TET1: variants seen among roughly 807,000 people sequenced by gnomAD.
TET1 encodes the protein methylcytosine dioxygenase TET1.
In TET1, 13 loss-of-function variants were observed where a neutral mutation model predicts 148.7. The ratio of observed to expected loss-of-function variants is 0.09; its 90% CI spans 0.06 to 0.14. TET1 has a LOEUF of 0.14. Among genes scored for constraint, TET1 ranks in the 10% least tolerant of loss-of-function variants. The pLI, the probability that TET1 is intolerant of heterozygous loss-of-function variation, is 1.00. For synonymous variants in TET1, 907 were observed against 937.2 expected (o/e 0.97, Z 0.59); for missense variants, 2,182 against 2,553.8 (o/e 0.85, Z 3.14).
intron 3 of TET1, among the ~76,000 whole-genome samples, chr10:68,620,229 AC>A (rs2054351158): frequency 6.6e-6 from 1 of 152,212 alleles, no homozygotes; most frequent in African/African-American, 2.4e-5. Context: ...GGCTTTTAGT[AC>A]ATTCACCAAT....
chr10:68,613,136 C>G (rs1459483702), intron 3 of TET1, among the ~76,000 whole-genome samples: 1 of 152,172 alleles, frequency 6.6e-6, no homozygotes, highest in Non-Finnish European at 1.5e-5. Context: ...ACTACTTCCT[C>G]AAATCATTGA....
chr10:68,668,146 A>G lies in TET1; in HGVS notation c.4673+890A>G, dbSNP rs7081750. Among the ~76,000 whole-genome samples, 706 of 152,066 alleles carry G rather than the reference A, an allele frequency of 4.6e-3. 3 individuals carry two copies. Among genetic ancestry groups the G allele is most frequent in the African/African-American group, 0.016 (662 of 41,520 alleles). ...TTGCAGAGAATTCCTCCATTTATCT[A>G]TTTTCTCTCTGATGGTGCTATTAAC... On this transcript the variant is annotated intron_variant, in intron 7 of 11. Coordinates refer to ENST00000373644, the MANE Select transcript of TET1 (RefSeq NM_030625.3).
intron 6 of TET1, among the ~76,000 whole-genome samples, chr10:68,662,569 C>A (rs1447416108): frequency 2.6e-5 from 4 of 151,282 alleles, no homozygotes; most frequent in Non-Finnish European, 4.4e-5. Flanking sequence ...TATAATAGAC[C>A]ACATATATAT....
intron 3 of TET1, among the ~76,000 whole-genome samples, chr10:68,623,917 C>T (rs2132982359): frequency 6.6e-6 from 1 of 152,288 alleles, no homozygotes; most frequent in East Asian, 1.9e-4. Flanking sequence ...TCTGCTGCCA[C>T]CCCAAATCCT....
At chr10:68,655,681 A>G (rs2055011132) in intron 6 of TET1, among the ~76,000 whole-genome samples, 1 of 152,214 alleles carries the variant, frequency 6.6e-6, no homozygotes, top group Admixed American at 6.5e-5. Context: ...GTTTTCCTTA[A>G]GAAGGCAAAT....
chr10:68,658,578 C>T (rs902435137), intron 6 of TET1, among the ~76,000 whole-genome samples: 6 of 152,144 alleles, frequency 3.9e-5, no homozygotes, highest in African/African-American at 1.4e-4. Flanking sequence ...TTCGCAACAC[C>T]GTTTTATTCT....
chr10:68,647,269 C>T (rs1347388384), intron 4 of TET1, among the ~76,000 whole-genome samples: 1 of 152,114 alleles, frequency 6.6e-6, no homozygotes, highest in African/African-American at 2.4e-5. Flanking sequence ...ATATATCTCT[C>T]AATGTTGAAT....
intron 3 of TET1, among the ~76,000 whole-genome samples, chr10:68,633,333 G>C (rs1298387480): frequency 6.7e-6 from 1 of 150,140 alleles, no homozygotes; most frequent in Non-Finnish European, 1.5e-5. Context: ...CTTTTAATTT[G>C]TTTTTTTAAA....
intron 2 of TET1, among the ~76,000 whole-genome samples, chr10:68,588,867 A>T (rs1589055667): frequency 6.6e-6 from 1 of 150,954 alleles, no homozygotes. Flanking sequence ...CACAGCTGTA[A>T]TCCCAGCACT....
intron 1 of TET1, among the ~76,000 whole-genome samples, chr10:68,570,163 G>C (rs958270429): frequency 4.0e-5 from 6 of 151,500 alleles, no homozygotes; most frequent in Non-Finnish European, 8.8e-5. Context: ...GGAGTGCCAT[G>C]GTGCAATCTC....
chr10:68,645,384 A>G lies in TET1; in HGVS notation c.2655A>G (p.Arg885=). 6.2e-7 allele frequency: 1 copy of G among 1,614,158 alleles called. No homozygotes were observed. The highest frequency in any genetic ancestry group is 8.5e-7 in the Non-Finnish European group (1 of 1,180,048). The part of the protein sequence containing the change: ...PSLLSLMKDR[R]LTLEQVVAIE... The stretch of plus-strand genomic sequence containing the variant: ...TCTTATCGTTAATGAAAGATAGGAG[A>G]TTAACATTGGAGCAAGTGGTAGCCA... Residue 885 remains arginine (R), a synonymous_variant, in exon 4 of 12, where the codon AGA becomes AGG. Transcript: ENST00000373644.
At chr10:68,594,571 C>T (rs977777447) in intron 2 of TET1, among the ~76,000 whole-genome samples, 1 of 152,116 alleles carries the variant, frequency 6.6e-6, no homozygotes, top group Non-Finnish European at 1.5e-5. Flanking sequence ...TTCTAGTGGA[C>T]CAACCGCTTA....
chr10:68,589,594 T>C (rs1267428915), intron 2 of TET1, among the ~76,000 whole-genome samples: 1 of 150,820 alleles, frequency 6.6e-6, no homozygotes, highest in Non-Finnish European at 1.5e-5. Context: ...GTGAGCCACC[T>C]AGCCCAGCCT....
At chr10:68,667,341 T>C in intron 7 of TET1, 85 bp downstream of exon 7, 4 of 1,102,262 alleles carry the variant, frequency 3.6e-6, no homozygotes, top group South Asian at 1.6e-5. Flanking sequence ...CAACTATGTA[T>C]ATTATATGGG....
In TET1 at chr10:68,686,374, G is replaced by A. The variant is rs1338741516; in HGVS notation, c.5071G>A (p.Glu1691Lys). ...GSTVVCTLTR[E>K]DNRSLGVIPQ... Reference sequence around the variant, plus strand: ...CTATCAGGTTTGTACCTTAACTCGAGAAGATAACCGCTCTTTGGGTGTTAT... The same window carrying A: ...CTATCAGGTTTGTACCTTAACTCGAAAAGATAACCGCTCTTTGGGTGTTAT... The change falls in exon 11 of 12, where the codon GAA (glutamate) becomes AAA (lysine). Residue 1691 changes from glutamate to lysine, a missense_variant. By Grantham distance (56) the Glu-to-Lys change is moderately conservative. Coordinates refer to ENST00000373644, the MANE Select transcript of TET1 (RefSeq NM_030625.3). The A allele has an allele frequency of 3.7e-6, 6 of 1,606,456 alleles. No homozygotes were observed. Among genetic ancestry groups the A allele is most frequent in the Non-Finnish European group, 5.1e-6 (6 of 1,175,550 alleles).
At chr10:68,683,391 G>T (rs1462458116) in intron 10 of TET1, among the ~76,000 whole-genome samples, 2 of 152,172 alleles carry the variant, frequency 1.3e-5, no homozygotes, top group Non-Finnish European at 2.9e-5. Context: ...CCATTCTCCT[G>T]CCTTAGCCTC....
intron 3 of TET1, among the ~76,000 whole-genome samples, chr10:68,631,041 A>G (rs1403782085): frequency 4.6e-5 from 7 of 151,794 alleles, no homozygotes; most frequent in Non-Finnish European, 1.0e-4. Context: ...GCCAGGCATG[A>G]TGGTGTGTGC....
At position 68,693,822 on chromosome 10, in the gene TET1, G is replaced by A. The variant is rs956760434; in HGVS notation, c.*2008G>A. 1.3e-5 allele frequency: 3 copies of A among 230,832 alleles called. No individual in the cohort carries two copies. The highest frequency in any genetic ancestry group is 2.6e-5 in the Non-Finnish European group (3 of 116,686). 14.3% of individuals were successfully genotyped at this position (230,832 alleles called of 1,614,324 possible). ...ATTATGTTTTAGATTTTAGGCCTTAGCTCCCACTAGAAATTATTTCTTCAC... is the reference window on the plus strand; with the variant it reads ...ATTATGTTTTAGATTTTAGGCCTTAACTCCCACTAGAAATTATTTCTTCAC... On this transcript the variant is annotated 3_prime_UTR_variant, in exon 12 of 12. Transcript: ENST00000373644.
At chr10:68,657,556 A>G (rs1255258184) in intron 6 of TET1, among the ~76,000 whole-genome samples, 2 of 152,168 alleles carry the variant, frequency 1.3e-5, no homozygotes, top group Non-Finnish European at 2.9e-5. Context: ...TTGCTTGAGC[A>G]TAGGAAGAGG....
Sources: gnomAD v4.1 joint callset for allele counts (sites outside exome capture counted in the v4.1 genomes callset) on GRCh38, gnomAD v4.1.1 for gene constraint, MANE v1.5 for transcripts, NCBI Gene and HGNC (gene_info 2026-07-23, HGNC 2026-07-21) for gene names.